ABCB11: variants seen among roughly 807,000 people sequenced by gnomAD.
The protein encoded by ABCB11 is bile salt export pump.
In ABCB11, 95 loss-of-function variants were observed where a neutral mutation model predicts 148.0. That is an observed-to-expected ratio of 0.64 (90% CI 0.54 to 0.76). ABCB11 has a LOEUF of 0.76. ABCB11 is among the 30% of genes least tolerant of loss of function. ABCB11 has a pLI of 0.00. For missense variants in ABCB11, 1,523 were observed against 1,617.8 expected, an observed-to-expected ratio of 0.94 and a Z score of 1.01; for synonymous variants, 591 against 555.4, an observed-to-expected ratio of 1.06 and a Z score of -0.90.
chr2:169,014,728 T>C (rs1036154804), intron 3 of ABCB11, among the ~76,000 whole-genome samples: 4 of 152,216 alleles, frequency 2.6e-5, no homozygotes, highest in African/African-American at 9.6e-5. Context: ...TTGGATTAGC[T>C]AATTTTAAAG....
chr2:168,941,514 T>G (rs1020661154), intron 21 of ABCB11, among the ~76,000 whole-genome samples: 19 of 152,074 alleles, frequency 1.2e-4, no homozygotes, highest in African/African-American at 4.6e-4. Flanking sequence ...ATTAAATTGC[T>G]GCAATCTCAT....
chr2:169,030,347 G>A (rs544148484), intron 1 of ABCB11, among the ~76,000 whole-genome samples: 1 of 152,150 alleles, frequency 6.6e-6, no homozygotes, highest in East Asian at 1.9e-4. Context: ...GCACAGCAGG[G>A]GGAACCAAGG....
Position 168,948,224 on chromosome 2 carries a change from T to A in ABCB11, c.2344-3263A>T, listed in dbSNP as rs563599930. Reference sequence around the variant, plus strand: ...GCTTTTATAAGAGGTAAAGAAATAATCAGCAAAGAAGCTGACATTTTGGAT... The same window carrying A: ...GCTTTTATAAGAGGTAAAGAAATAAACAGCAAAGAAGCTGACATTTTGGAT... On this transcript the variant is annotated intron_variant, in intron 19 of 27. Transcript: ENST00000650372. Among the ~76,000 whole-genome samples, 5 of 151,852 alleles carry A rather than the reference T, an allele frequency of 3.3e-5. No individual in the cohort carries two copies. In the South Asian group the frequency reaches 1.0e-3, roughly 31 times the overall value.
chr2:168,946,618 C>T (rs1260306462), intron 19 of ABCB11, among the ~76,000 whole-genome samples: 1 of 151,672 alleles, frequency 6.6e-6, no homozygotes, highest in Non-Finnish European at 1.5e-5. Context: ...TGCAAATACC[C>T]TGAAACCCCA....
At chr2:169,016,822 CAAA>C (rs747331914) in intron 2 of ABCB11, 23 bp from the exon 3 acceptor site, 15 of 1,569,024 alleles carry the variant, frequency 9.6e-6, no homozygotes, top group Non-Finnish European at 1.3e-5. Flanking sequence ...AAAATCAACG[CAAA>C]AAAGCAGTTA....
chr2:168,949,498 C>CCAG (rs1386642219), intron 19 of ABCB11, among the ~76,000 whole-genome samples: 4 of 151,624 alleles, frequency 2.6e-5, no homozygotes, highest in Non-Finnish European at 5.9e-5. Context: ...GTAATGTCCT[C>CCAG]CAGTTCTGTC....
chr2:168,993,517 T>A (rs1320972967), intron 8 of ABCB11, among the ~76,000 whole-genome samples, 194 bp downstream of exon 8: 1 of 152,110 alleles, frequency 6.6e-6, no homozygotes, highest in East Asian at 1.9e-4. Context: ...AAACAATATT[T>A]ACCTATTAAA....
chr2:168,931,089 C>T (rs1459668403), intron 24 of ABCB11, among the ~76,000 whole-genome samples: 1 of 152,164 alleles, frequency 6.6e-6, no homozygotes, highest in Non-Finnish European at 1.5e-5. Context: ...ATTTGACTCC[C>T]CCTATTCCCA....
chr2:168,957,930 G>C (rs755112169), intron 19 of ABCB11, 34 bp downstream of exon 19: 1 of 1,468,564 alleles, frequency 6.8e-7, no homozygotes, highest in African/African-American at 1.4e-5. Flanking sequence ...TAAAAGGTAT[G>C]AGAAGAAGAA....
intron 1 of ABCB11, among the ~76,000 whole-genome samples, chr2:169,029,694 T>A (rs576952195): frequency 6.6e-6 from 1 of 151,670 alleles, no homozygotes; most frequent in African/African-American, 2.4e-5. Context: ...CCACAGCGAT[T>A]CTTTGTCTCT....
intron 25 of ABCB11, among the ~76,000 whole-genome samples, chr2:168,929,920 A>G (rs1037975346): frequency 6.6e-6 from 1 of 152,208 alleles, no homozygotes; most frequent in African/African-American, 2.4e-5. Flanking sequence ...TATTATTTAA[A>G]GACATAAAAG....
intron 22 of ABCB11, 72 bp from the exon 23 acceptor site, chr2:168,935,497 C>T (rs1691780299): frequency 1.3e-6 from 2 of 1,537,418 alleles, no homozygotes; most frequent in African/African-American, 1.4e-5. Flanking sequence ...CAGTGGCTGC[C>T]TGGATTAGAT....
chr2:168,930,865 G>A lies in ABCB11; in HGVS notation c.3214-3C>T. 1 of 1,586,722 alleles carries A rather than the reference G, an allele frequency of 6.3e-7. No homozygotes were observed. Among genetic ancestry groups the A allele is most frequent in the Non-Finnish European group, 8.6e-7 (1 of 1,166,880 alleles). ...TCAATCTTCCCCTGGAAGTTGTCCT[G>A]TGGATGGGAGGATCAAAATTAGAGA... On this transcript the variant is annotated splice_region_variant and splice_polypyrimidine_tract_variant and intron_variant, in intron 24 of 27. Transcript: ENST00000650372.
intron 8 of ABCB11, among the ~76,000 whole-genome samples, chr2:168,991,978 T>C (rs1255982769): frequency 6.6e-6 from 1 of 151,568 alleles, no homozygotes; most frequent in Non-Finnish European, 1.5e-5. Context: ...TCCGAGACTA[T>C]AGGCACATGC....
intron 9 of ABCB11, 126 bp from the exon 10 acceptor site, chr2:168,986,410 A>G: frequency 1.2e-6 from 1 of 813,470 alleles, no homozygotes; most frequent in Non-Finnish European, 2.0e-6. Context: ...GAGCAGCTTC[A>G]GGGAGAAAAA....
At chr2:168,929,437 A>G (rs766963841) in intron 25 of ABCB11, among the ~76,000 whole-genome samples, 5 of 152,196 alleles carry the variant, frequency 3.3e-5, no homozygotes, top group Non-Finnish European at 7.3e-5. Context: ...AAACAATCAA[A>G]AAAATATAAT....
Position 168,924,788 on chromosome 2 carries a change from C to G in ABCB11, c.3634G>C (p.Val1212Leu). 6.2e-7 allele frequency: 1 copy of G among 1,609,576 alleles called. No homozygotes were observed. The highest frequency in any genetic ancestry group is 1.1e-5 in the South Asian group (1 of 90,170). ...GAGAGTTGAGACCCCTGGGACCCAACGTTAGTTTCATATTTCTGAAAAAAA... is the reference window on the plus strand; with the variant it reads ...GAGAGTTGAGACCCCTGGGACCCAAGGTTAGTTTCATATTTCTGAAAAAAA... The part of the protein sequence containing the change: ...MSLPEKYETN[V>L]GSQGSQLSRG... The change falls in exon 27 of 28, where the codon GTT (valine) becomes CTT (leucine). Residue 1212 changes from valine (V) to leucine (L), a missense_variant. By Grantham distance (32) the Val-to-Leu change is conservative. Coordinates refer to ENST00000650372, the MANE Select transcript of ABCB11 (RefSeq NM_003742.4).
intron 19 of ABCB11, among the ~76,000 whole-genome samples, chr2:168,950,501 T>C (rs1574422602): frequency 1.3e-5 from 2 of 151,714 alleles, no homozygotes; most frequent in South Asian, 2.1e-4. Flanking sequence ...ATGGTATCTC[T>C]TTGTGGTTTT....
In ABCB11 at chr2:168,922,118, G is replaced by C. The variant is rs1691097022; in HGVS notation, c.*1504C>G. Among the ~76,000 whole-genome samples, 2 of 152,026 alleles carry C rather than the reference G, an allele frequency of 1.3e-5. No individual in the cohort carries two copies. On this transcript the variant is annotated 3_prime_UTR_variant, in exon 28 of 28. Transcript: ENST00000650372. ...CCCGCCTTGGCCTCCCAAAGTGCTG[G>C]GATTACAGGAGTGAGCCACAGCGCC...
Sources: allele counts gnomAD v4.1 joint callset (sites outside exome capture counted in the v4.1 genomes callset), GRCh38; gene constraint gnomAD v4.1.1; transcripts MANE v1.5; gene names NCBI Gene and HGNC (gene_info 2026-07-23, HGNC 2026-07-21).